Variants in BPTF observed in about 807,000 individuals in gnomAD.
The protein encoded by BPTF is bromodomain PHD finger transcription factor.
BPTF carries 18 observed loss-of-function variants against 292.5 expected under a neutral mutation model. The observed-to-expected ratio is 0.06, with a 90% CI of 0.04 to 0.09. The LOEUF (loss-of-function observed/expected upper bound fraction) is 0.09, where lower values mean the gene tolerates loss of function less well. Ranked by LOEUF, BPTF falls within the 10% of genes least tolerant of loss-of-function variation. BPTF has a pLI of 1.00. For missense variants in BPTF, 2,726 were observed against 3,498.7 expected (o/e 0.78, Z 5.57); for synonymous variants, 1,225 against 1,251.9 (o/e 0.98, Z 0.45).
In BPTF at chr17:67,910,815, T is replaced by A. The variant is rs561905180; in HGVS notation, c.2993-62T>A. The A allele has an allele frequency of 4.1e-3, 4,808 of 1,181,752 alleles. 119 individuals carry two copies. The African/African-American group carries it at 0.055, about 14-fold the overall frequency. The allele number at this position is 1,181,752 out of a possible 1,614,324, so 73.2% of individuals were successfully genotyped here. A position where few individuals can be genotyped will look rare whatever the true frequency, so the allele number is the denominator to read the frequency against. ...ACTCCATCTCAAAAAAAAAAATATA[T>A]ATATATAAATTCCTCCTTTCAGAGT... On this transcript the variant is annotated intron_variant, in intron 10 of 27. Transcript: ENST00000306378.
rs373222562 is a variant in BPTF at position 67,890,001 on chromosome 17, A to C, written c.1865-1843A>C. Among the ~76,000 whole-genome samples the C allele has an allele frequency of 1.0e-3, 159 of 152,294 alleles. 1 individual carries two copies. Among genetic ancestry groups the C allele is most frequent in the African/African-American group, 3.5e-3 (146 of 41,558 alleles). ...GTGTGTTCTTTCTGTTTAAAACAAA[A>C]ATCTGTGGAATGTGAGATAATTTTA... On this transcript the variant is annotated intron_variant, in intron 4 of 27. Transcript: ENST00000306378.
At chr17:67,943,730 C>T (rs1033508978) in intron 19 of BPTF, among the ~76,000 whole-genome samples, 4 of 152,078 alleles carry the variant, frequency 2.6e-5, no homozygotes, top group Non-Finnish European at 5.9e-5. Flanking sequence ...CTCTGCCTAC[C>T]CCATAAAGTC....
intron 18 of BPTF, among the ~76,000 whole-genome samples, chr17:67,939,874 C>T (rs775617267): frequency 3.2e-4 from 49 of 152,000 alleles, no homozygotes; most frequent in East Asian, 7.7e-4. Flanking sequence ...AGCGAGACTC[C>T]GTCTCAAAAA....
In BPTF at chr17:67,903,834, CAA is replaced by C; in HGVS notation, c.2597_2598del (p.Lys866ArgfsTer23). 1.3e-6 allele frequency: 2 copies of C among 1,543,220 alleles called. No individual in the cohort carries two copies. The highest frequency in any genetic ancestry group is 1.2e-5 in the South Asian group (1 of 81,778). ...SIEREEKEKVKKKEKKQEEEE... is the reference protein window; with the variant it reads ...SIEREEKEKVXKKEKKQEEEE... Reference sequence around the variant, plus strand: ...TTGAAAGAGAAGAAAAGGAGAAAGTCAAAAAAAAAGAGAAGAAACAGGAAGAA... The same window carrying C: ...TTGAAAGAGAAGAAAAGGAGAAAGTCAAAAAAAGAGAAGAAACAGGAAGAA... On this transcript the variant is annotated frameshift_variant, in exon 8 of 28. Coordinates refer to ENST00000306378, the MANE Select transcript of BPTF (RefSeq NM_182641.4). LOFTEE classifies it high-confidence loss of function.
rs2065958767 is a variant in BPTF at position 67,948,261 on chromosome 17, G to A, written c.7881G>A (p.Leu2627=). The A allele has an allele frequency of 1.9e-6, 3 of 1,613,972 alleles. No homozygotes were observed. The highest frequency in any genetic ancestry group is 4.5e-5 in the East Asian group (2 of 44,882). ...AAGAGCAGCTCAGAGCCGAGATCCT[G>A]AAGAAGAGAGCACTCCTGGACAAGG... ...KHKEQLRAEI[L]KKRALLDKDL... Residue 2627 remains leucine, a synonymous_variant, in exon 23 of 28, where the codon CTG becomes CTA. Coordinates refer to ENST00000306378, the MANE Select transcript of BPTF (RefSeq NM_182641.4).
intron 18 of BPTF, among the ~76,000 whole-genome samples, chr17:67,933,784 C>T (rs534768796): frequency 3.9e-5 from 6 of 152,136 alleles, no homozygotes; most frequent in East Asian, 3.9e-4. Flanking sequence ...TTAACCCAGG[C>T]GCAGTGGCTC....
chr17:67,855,668 G>T (rs560222396), intron 2 of BPTF, among the ~76,000 whole-genome samples: 101 of 152,308 alleles, frequency 6.6e-4, no homozygotes, highest in Non-Finnish European at 1.2e-3. Context: ...ATCAGGCAGG[G>T]TTATAGTGTG....
At chr17:67,878,933 A>G (rs1031220429) in intron 4 of BPTF, among the ~76,000 whole-genome samples, 2 of 152,016 alleles carry the variant, frequency 1.3e-5, no homozygotes, top group Non-Finnish European at 2.9e-5. Flanking sequence ...CTTGTTATAT[A>G]TTATAGCATC....
rs576731792 is a variant in BPTF at position 67,890,053 on chromosome 17, G to A, written c.1865-1791G>A. ...TTACCATACCTTAAAAATCGGGGCTGGAAATTTGTAGAAATTTCTAGACCT... is the reference window on the plus strand; with the variant it reads ...TTACCATACCTTAAAAATCGGGGCTAGAAATTTGTAGAAATTTCTAGACCT... On this transcript the variant is annotated intron_variant, in intron 4 of 27. Transcript: ENST00000306378. Among the ~76,000 whole-genome samples the A allele has an allele frequency of 2.2e-4, 33 of 152,206 alleles. 1 individual carries two copies. The South Asian group carries it at 6.2e-3, about 29-fold the overall frequency.
intron 2 of BPTF, among the ~76,000 whole-genome samples, chr17:67,864,713 G>A (rs1041345486): frequency 2.0e-5 from 3 of 152,054 alleles, no homozygotes; most frequent in Non-Finnish European, 4.4e-5. Context: ...TATAGGTTGA[G>A]TATCCCTTAT....
intron 26 of BPTF, among the ~76,000 whole-genome samples, chr17:67,971,493 A>T (rs1430201077): frequency 2.0e-5 from 3 of 152,096 alleles, no homozygotes; most frequent in African/African-American, 7.2e-5. Context: ...TAAAAAAAAA[A>T]AAAAAGAGTT....
intron 27 of BPTF, 161 bp downstream of exon 27, chr17:67,976,119 C>A: frequency 1.9e-6 from 1 of 532,344 alleles, no homozygotes; most frequent in Middle Eastern, 5.2e-4. Flanking sequence ...GATCTACTGC[C>A]AAGGAGAAGT....
At chr17:67,914,009 C>G (rs969107616) in intron 11 of BPTF, among the ~76,000 whole-genome samples, 2 of 152,048 alleles carry the variant, frequency 1.3e-5, no homozygotes, top group African/African-American at 4.8e-5. Flanking sequence ...TTGTCTTTAT[C>G]TTTTCACCCC....
intron 4 of BPTF, among the ~76,000 whole-genome samples, chr17:67,885,875 G>A (rs897450588): frequency 6.6e-6 from 1 of 151,772 alleles, no homozygotes; most frequent in Non-Finnish European, 1.5e-5. Flanking sequence ...GGAGACTAAG[G>A]TGATACGAGT....
intron 25 of BPTF, 59 bp downstream of exon 25, chr17:67,964,463 C>A: frequency 6.6e-7 from 1 of 1,514,986 alleles, no homozygotes. Flanking sequence ...ATTTTGGAAG[C>A]ATTTCTAGGA....
intron 2 of BPTF, among the ~76,000 whole-genome samples, chr17:67,862,247 A>AT (rs765226731): frequency 3.3e-5 from 5 of 152,232 alleles, no homozygotes; most frequent in Non-Finnish European, 5.9e-5. Flanking sequence ...AAGTGCTGGG[A>AT]TTACAGGCGT....
Position 67,912,987 on chromosome 17 carries a change from A to C in BPTF, c.5103A>C (p.Ser1701=). Residue 1701 remains serine (S), a synonymous_variant, in exon 11 of 28, where the codon TCA becomes TCC. Coordinates refer to ENST00000306378, the MANE Select transcript of BPTF (RefSeq NM_182641.4). ...MKFSRPKKTR[S]GTALPSYRKF... is the part of the protein sequence containing the mutation. ...TTTCAAGACCAAAGAAGACTCGTTC[A>C]GGTACAGCTCTGCCATCCTATAGAA... The C allele has an allele frequency of 6.2e-7, 1 of 1,614,238 alleles. No homozygotes were observed. The highest frequency in any genetic ancestry group is 1.1e-5 in the South Asian group (1 of 91,082).
At chr17:67,924,723 A>G (rs2063728019) in intron 15 of BPTF, 134 bp downstream of exon 15, 1 of 919,706 alleles carries the variant, frequency 1.1e-6, no homozygotes. Context: ...TTTTTTAGCC[A>G]AATTCATGCA....
chr17:67,899,624 G>A (rs920806428), intron 7 of BPTF, among the ~76,000 whole-genome samples: 44 of 149,312 alleles, frequency 2.9e-4, no homozygotes, highest in African/African-American at 1.0e-3. Flanking sequence ...TCCACCTCCC[G>A]GGTTCGAGTG....
Sources: gnomAD v4.1 joint callset for allele counts (sites outside exome capture counted in the v4.1 genomes callset) on GRCh38, gnomAD v4.1.1 for gene constraint, MANE v1.5 for transcripts, NCBI Gene and HGNC (gene_info 2026-07-23, HGNC 2026-07-21) for gene names.